Variants in NAV1 observed in about 807,000 individuals in gnomAD.
NAV1 encodes the protein neuron navigator 1, also known as pore membrane and/or filament interacting like protein 3.
In NAV1, 18 loss-of-function variants were observed where a neutral mutation model predicts 175.2. The observed-to-expected ratio is 0.10, with a 90% confidence interval of 0.07 to 0.15. The LOEUF (loss-of-function observed/expected upper bound fraction) is 0.15, where lower values mean the gene tolerates loss of function less well. Among genes scored for constraint, NAV1 ranks in the 10% least tolerant of loss-of-function variants. The pLI is 1.00. For missense variants in NAV1, 1,731 were observed against 2,436.6 expected (o/e 0.71, Z 6.10); for synonymous variants, 897 against 978.7 (o/e 0.92, Z 1.56).
chr1:201,660,058 A>T (rs912709734), intron 1 of NAV1, among the ~76,000 whole-genome samples: 1 of 152,124 alleles, frequency 6.6e-6, no homozygotes, highest in Non-Finnish European at 1.5e-5. Context: ...TGCTGTCTTC[A>T]TGCTCCCACA....
chr1:201,704,968 C>T (rs1373526112), intron 1 of NAV1, among the ~76,000 whole-genome samples: 3 of 152,122 alleles, frequency 2.0e-5, no homozygotes, highest in Admixed American at 2.0e-4. Context: ...ATGTGTGCCC[C>T]CAAGCTAGAA....
At chr1:201,727,092 A>C (rs1672639065) in intron 3 of NAV1, among the ~76,000 whole-genome samples, 2 of 152,184 alleles carry the variant, frequency 1.3e-5, no homozygotes, top group Non-Finnish European at 2.9e-5. Context: ...TGTAAGATTA[A>C]TGTGAGGATT....
exon 30 of NAV1, chr1:201,826,383 G>C (rs1679673112): frequency 1.3e-5 from 2 of 152,168 alleles, no homozygotes; most frequent in African/African-American, 4.8e-5. Context: ...CTGTGCAGTG[G>C]CTCCCACTTT....
intron 1 of NAV1, among the ~76,000 whole-genome samples, chr1:201,658,152 A>G (rs922449368): frequency 1.3e-5 from 2 of 152,190 alleles, no homozygotes; most frequent in Non-Finnish European, 2.9e-5. Flanking sequence ...ATTGAGTCTG[A>G]TTCCATTTAA....
intron 1 of NAV1, among the ~76,000 whole-genome samples, chr1:201,580,552 C>G (rs967976900): frequency 6.6e-6 from 1 of 152,106 alleles, no homozygotes; most frequent in Non-Finnish European, 1.5e-5. Flanking sequence ...GCGGGTGGAT[C>G]ACTTGACGTC....
At position 201,573,870 on chromosome 1, in the gene NAV1, A is replaced by G. The variant is rs567599839; in HGVS notation, c.-143-14669A>G. ...AGAATGCCTAGTCCCAACCTGGGCA[A>G]CATAGAAAGGTCCCATCTCTAAAAC... On this transcript the variant is annotated intron_variant, in intron 1 of 33. Transcript: ENST00000685211. 3.7e-4 allele frequency among the ~76,000 whole-genome samples: 56 copies of G among 152,276 alleles called. 1 individual carries two copies. Among genetic ancestry groups the G allele is most frequent in the Admixed American group, 2.0e-3 (31 of 15,302 alleles).
In NAV1 at chr1:201,782,445, C is replaced by T. The variant is rs749551985; in HGVS notation, c.1933C>T (p.Arg645Cys). ...CATCCCTGTCAAGCCAGTAAATGGGCGCAAGACTAGCTTAGATGTTTCCAA... is the reference window on the plus strand; with the variant it reads ...CATCCCTGTCAAGCCAGTAAATGGGTGCAAGACTAGCTTAGATGTTTCCAA... Residue 645 changes from arginine (R) to cysteine (C), a missense_variant, in exon 6 of 30, where the codon CGC (arginine) becomes TGC (cysteine). Arg to Cys is a radical substitution (Grantham distance 180, BLOSUM62 -3). Coordinates refer to ENST00000367296, the Ensembl canonical transcript of NAV1. This position sits in a 1 kb window ranked among gnomAD's most constrained non-coding sequence, Gnocchi z 5.4. The T allele has an allele frequency of 1.3e-5, 21 of 1,613,998 alleles. No individual in the cohort carries two copies. The highest frequency in any genetic ancestry group is 8.8e-5 in the South Asian group (8 of 91,092).
At chr1:201,542,623 C>T (rs1665547379) in intron 1 of NAV1, among the ~76,000 whole-genome samples, 1 of 152,054 alleles carries the variant, frequency 6.6e-6, no homozygotes, top group South Asian at 2.1e-4. Context: ...AGACGTGAAG[C>T]GAGGCAGGAT....
chr1:201,580,103 C>A (rs1172220926), intron 1 of NAV1, among the ~76,000 whole-genome samples: 3 of 152,224 alleles, frequency 2.0e-5, no homozygotes, highest in Non-Finnish European at 4.4e-5. Context: ...ACTGTCCCAG[C>A]TCCAGGAGAG....
At chr1:201,771,327 A>G (rs1480346987) in intron 3 of NAV1, among the ~76,000 whole-genome samples, 3 of 151,850 alleles carry the variant, frequency 2.0e-5, no homozygotes, top group Non-Finnish European at 4.4e-5. Flanking sequence ...CCTGGCCAAC[A>G]TGGCGAAACT....
intron 14 of NAV1, 34 bp downstream of exon 18, chr1:201,793,909 T>TGTGGGGGGGGGGGGGGGGCCC: frequency 9.7e-6 from 5 of 516,456 alleles, no homozygotes; most frequent in Admixed American, 2.0e-5. Flanking sequence ...GAGGGGTGGG[T>TGTGGGGGGGGGGGGGGGGCCC]GCGGCGAGGG....
Position 201,539,725 on chromosome 1 carries a change from C to T in NAV1, c.-144+383C>T, listed in dbSNP as rs1209896263. ...ACACCAGGTGCTGCGTTCTTATACT[C>T]GCACCCACACGGCAAGCACACACCC... On this transcript the variant is annotated intron_variant, in intron 1 of 33. Transcript: ENST00000685211. The surrounding 1 kb of genome is among the most constrained non-coding windows in gnomAD (Gnocchi z 5.6). Among the ~76,000 whole-genome samples the T allele has an allele frequency of 6.6e-6, 1 of 152,270 alleles. No homozygotes were observed. The highest frequency in any genetic ancestry group is 1.9e-4 in the East Asian group (1 of 5,174).
chr1:201,745,385 A>G (rs1164147216), intron 3 of NAV1, among the ~76,000 whole-genome samples: 1 of 152,210 alleles, frequency 6.6e-6, no homozygotes, highest in African/African-American at 2.4e-5. Context: ...TTTCCTCACG[A>G]ACCAGTTTTC....
intron 2 of NAV1, among the ~76,000 whole-genome samples, chr1:201,591,652 C>G (rs1297419465): frequency 6.6e-6 from 1 of 152,218 alleles, no homozygotes; most frequent in Non-Finnish European, 1.5e-5. Context: ...AGACCCATCG[C>G]TCCACCCTGG....
At chr1:201,744,134 C>T (rs1041701838) in intron 3 of NAV1, among the ~76,000 whole-genome samples, 2 of 152,198 alleles carry the variant, frequency 1.3e-5, no homozygotes, top group Non-Finnish European at 1.5e-5. Context: ...CCACCCGCCT[C>T]GTCCTCCCAA....
In NAV1 at chr1:201,773,257, C is replaced by T. The variant is rs577237257; in HGVS notation, c.1227-7164C>T. 2.0e-5 allele frequency among the ~76,000 whole-genome samples: 3 copies of T among 152,276 alleles called. No individual in the cohort carries two copies. In the East Asian group the frequency reaches 5.8e-4, roughly 29 times the overall value. ...AGAGACAGGGTCTCACTATGTTGCC[C>T]AGGCTGGTCTCAAACTCCTGGCCTT... On this transcript the variant is annotated intron_variant, in intron 3 of 29. Transcript: ENST00000367296.
chr1:201,820,514 C>G (rs11810224), exon 30 of NAV1: 1 of 152,718 alleles, frequency 6.5e-6, no homozygotes, highest in Admixed American at 6.5e-5. Flanking sequence ...CAAAAACAAG[C>G]AAACAAACAA....
chr1:201,704,973 C>T (rs1304418015), intron 1 of NAV1, among the ~76,000 whole-genome samples: 1 of 152,140 alleles, frequency 6.6e-6, no homozygotes, highest in East Asian at 1.9e-4. Context: ...TGCCCCCAAG[C>T]TAGAACTCTA....
intron 1 of NAV1, among the ~76,000 whole-genome samples, chr1:201,699,150 GC>G (rs1240874674): frequency 1.3e-5 from 2 of 152,200 alleles, no homozygotes; most frequent in Admixed American, 1.3e-4. Context: ...AAGTCAAATT[GC>G]CCCTGTTTGC....
Sources: allele counts gnomAD v4.1 joint callset (sites outside exome capture counted in the v4.1 genomes callset), GRCh38; gene constraint gnomAD v4.1.1; non-coding constraint Gnocchi (gnomAD v3.1); transcripts MANE v1.5; gene names NCBI Gene and HGNC (gene_info 2026-07-23, HGNC 2026-07-21).